Variants in KCNQ1 observed in about 807,000 individuals in gnomAD.
The protein encoded by KCNQ1 is potassium voltage-gated channel subfamily KQT member 1.
In KCNQ1, 49 loss-of-function variants were observed where a neutral mutation model predicts 72.4. The observed-to-expected ratio is 0.68, with a 90% CI of 0.54 to 0.86. The LOEUF is 0.86. KCNQ1 is among the 40% of genes least tolerant of loss of function. The pLI, the probability that KCNQ1 is intolerant of heterozygous loss-of-function variation, is 0.00. For missense variants in KCNQ1, 790 were observed against 945.1 expected, an observed-to-expected ratio of 0.84 and a Z score of 2.15; for synonymous variants, 450 against 412.6, an observed-to-expected ratio of 1.09 and a Z score of -1.10.
In KCNQ1 at chr11:2,736,970, C is replaced by T. The variant is rs185806522; in HGVS notation, c.1515-31874C>T. ...GAGGAAGCCCAGTCCCGACCCCCAC[C>T]GCCTGCCTTCCCAAGACATCCTGAG... is the stretch of plus-strand genomic sequence containing the variant. On this transcript the variant is annotated intron_variant, in intron 11 of 15. Transcript: ENST00000155840. Among the ~76,000 whole-genome samples, 41 of 152,302 alleles carry T rather than the reference C, an allele frequency of 2.7e-4. 1 individual carries two copies. The highest frequency in any genetic ancestry group is 4.7e-4 in the Non-Finnish European group (32 of 68,020).
In KCNQ1 at chr11:2,769,002, C is replaced by A; in HGVS notation, c.1590+83C>A. On this transcript the variant is annotated intron_variant, in intron 12 of 15. Transcript: ENST00000155840. This position sits in a 1 kb window ranked among gnomAD's most constrained non-coding sequence, Gnocchi z 4.6. The stretch of plus-strand genomic sequence containing the variant: ...TGCCCACACCTCTCCTGGGTTCTCT[C>A]CTGCCCATAGTGGAGGGTGTCAAGG... The A allele has an allele frequency of 8.4e-7, 1 of 1,192,568 alleles. No homozygotes were observed. Among genetic ancestry groups the A allele is most frequent in the Non-Finnish European group, 1.2e-6 (1 of 803,140 alleles). The allele number at this position is 1,192,568 out of a possible 1,614,324, so 73.9% of individuals were successfully genotyped here.
chr11:2,689,543 AG>A (rs1850555065), intron 11 of KCNQ1: 2 of 398,694 alleles, frequency 5.0e-6, no homozygotes, highest in Non-Finnish European at 4.4e-6. Flanking sequence ...AAGCTTGCAC[AG>A]GAAGAACAGA....
At chr11:2,832,064 T>C (rs1847962975) in intron 15 of KCNQ1, among the ~76,000 whole-genome samples, 1 of 151,972 alleles carries the variant, frequency 6.6e-6, no homozygotes. Flanking sequence ...GGCCTCAGGC[T>C]TAGGACCTGG....
At chr11:2,801,662 C>G (rs960337334) in intron 15 of KCNQ1, among the ~76,000 whole-genome samples, 1 of 152,216 alleles carries the variant, frequency 6.6e-6, no homozygotes, top group Non-Finnish European at 1.5e-5. Context: ...GGGATTAGGG[C>G]TTCAACATGT....
rs967649705 is a variant in KCNQ1, at chr11:2,538,200, G to A, written c.477+10182G>A. Reference sequence around the variant, plus strand: ...AGGCTCGTCACTGGTCCCAGTGAGTGTGGCTGGTTTTTTCTCATTGCACAT... The same window carrying A: ...AGGCTCGTCACTGGTCCCAGTGAGTATGGCTGGTTTTTTCTCATTGCACAT... On this transcript the variant is annotated intron_variant, in intron 2 of 15. Transcript: ENST00000155840. This position sits in a 1 kb window ranked among gnomAD's most constrained non-coding sequence, Gnocchi z 6.7. 2.0e-5 allele frequency among the ~76,000 whole-genome samples: 3 copies of A among 152,228 alleles called. No homozygotes were observed. Among genetic ancestry groups the A allele is most frequent in the African/African-American group, 7.2e-5 (3 of 41,456 alleles).
chr11:2,554,870 A>T (rs1007928338), intron 2 of KCNQ1, among the ~76,000 whole-genome samples: 3 of 152,184 alleles, frequency 2.0e-5, no homozygotes, highest in Non-Finnish European at 4.4e-5. Flanking sequence ...CCCTTAAAAC[A>T]TTCCTGAAAG....
At position 2,783,281 on chromosome 11, in the gene KCNQ1, C is replaced by G. The variant is rs1846855000; in HGVS notation, c.1794+5244C>G. 6.6e-6 allele frequency among the ~76,000 whole-genome samples: 1 copy of G among 152,082 alleles called. No individual in the cohort carries two copies. The highest frequency in any genetic ancestry group is 1.5e-5 in the Non-Finnish European group (1 of 67,964). On this transcript the variant is annotated intron_variant, in intron 15 of 15. Coordinates refer to ENST00000155840, the MANE Select transcript of KCNQ1 (RefSeq NM_000218.3). This position sits in a 1 kb window ranked among gnomAD's most constrained non-coding sequence, Gnocchi z 5.2. The stretch of plus-strand genomic sequence containing the variant: ...ATTGTTATAATTGTAGCACAGCTTT[C>G]TCATAATGTTGCCCTCTTGTCAGAG...
intron 10 of KCNQ1, chr11:2,643,770 G>C: frequency 2.5e-6 from 1 of 398,558 alleles, no homozygotes. Context: ...ATTTTTTGTA[G>C]TGCCAGTGTA....
intron 10 of KCNQ1, chr11:2,630,011 G>C (rs994288099): frequency 1.3e-4 from 52 of 397,092 alleles, no homozygotes; most frequent in African/African-American, 1.7e-4. Context: ...TTAGAGGAGA[G>C]GCATTCAGCT....
chr11:2,552,332 C>T (rs1847995111), intron 2 of KCNQ1, among the ~76,000 whole-genome samples: 1 of 152,136 alleles, frequency 6.6e-6, no homozygotes, highest in South Asian at 2.1e-4. Flanking sequence ...ATCCAGTTGT[C>T]CCAGAGACTT....
rs1033742678 is a variant in KCNQ1, at chr11:2,508,474, C to T, written c.387-19454C>T. The stretch of plus-strand genomic sequence containing the variant: ...CTCTGCATGGGGAGGAGTGTGGGTC[C>T]TGAGTGGAGTGTCCCATCTGTCATG... On this transcript the variant is annotated intron_variant, in intron 1 of 15. Transcript: ENST00000155840. The surrounding 1 kb of genome is among the most constrained non-coding windows in gnomAD (Gnocchi z 6.2). 6.6e-6 allele frequency among the ~76,000 whole-genome samples: 1 copy of T among 152,004 alleles called. No homozygotes were observed. The highest frequency in any genetic ancestry group is 2.4e-5 in the African/African-American group (1 of 41,390).
intron 6 of KCNQ1, among the ~76,000 whole-genome samples, chr11:2,580,705 G>A (rs937794936): frequency 2.0e-5 from 3 of 152,186 alleles, no homozygotes; most frequent in Non-Finnish European, 4.4e-5. Context: ...TGTCCTGGAC[G>A]CAGCCCTTCA....
In KCNQ1 at chr11:2,674,236, C is replaced by G. The variant is rs1850245462; in HGVS notation, c.1514+12155C>G. ...TTCTTGGGGCCCAGATAGATGTGAG[C>G]AGAGCTGGAGGCCCCTCTCTCCCAG... is the stretch of plus-strand genomic sequence containing the variant. On this transcript the variant is annotated intron_variant, in intron 11 of 15. Coordinates refer to ENST00000155840, the MANE Select transcript of KCNQ1 (RefSeq NM_000218.3). This position sits in a 1 kb window ranked among gnomAD's most constrained non-coding sequence, Gnocchi z 5.9. The G allele has an allele frequency of 2.5e-6, 1 of 398,586 alleles. No homozygotes were observed. 24.7% of individuals were successfully genotyped at this position (398,586 alleles called of 1,614,324 possible). A position where few individuals can be genotyped will look rare whatever the true frequency, so the allele number is the denominator to read the frequency against.
At position 2,745,280 on chromosome 11, in the gene KCNQ1, A is replaced by T. The variant is rs1392167354; in HGVS notation, c.1515-23564A>T. The stretch of plus-strand genomic sequence containing the variant: ...TGTTGCGTTTTCTCCTCCAAGAACA[A>T]GGAGTCTCTCTGCATTGAGTCAGGC... On this transcript the variant is annotated intron_variant, in intron 11 of 15. Transcript: ENST00000155840. The surrounding 1 kb of genome is among the most constrained non-coding windows in gnomAD (Gnocchi z 6.2). Among the ~76,000 whole-genome samples the T allele has an allele frequency of 6.6e-6, 1 of 152,168 alleles. No individual in the cohort carries two copies. The highest frequency in any genetic ancestry group is 1.5e-5 in the Non-Finnish European group (1 of 68,036).
rs1850067147 is a variant in KCNQ1 at position 2,666,352 on chromosome 11, T to C, written c.1514+4271T>C. The C allele has an allele frequency of 2.5e-6, 1 of 398,526 alleles. No homozygotes were observed. The highest frequency in any genetic ancestry group is 2.1e-5 in the African/African-American group (1 of 48,636). 24.7% of individuals were successfully genotyped at this position (398,526 alleles called of 1,614,324 possible). A position where few individuals can be genotyped will look rare whatever the true frequency, so the allele number is the denominator to read the frequency against. On this transcript the variant is annotated intron_variant, in intron 11 of 15. Transcript: ENST00000155840. ...ACTGTGAGCACCTCCCTGGCAAGCA[T>C]GTGCTTGCCTGGCCTCTTGTGACAT... is the stretch of plus-strand genomic sequence containing the variant.
At position 2,652,198 on chromosome 11, in the gene KCNQ1, A is replaced by G. The variant is rs933371729; in HGVS notation, c.1394-9763A>G. ...GCCCCAGCAGATGTCTGGATTTGGT[A>G]GCCAGGGCCTGGAGCCGGATGCTGA... On this transcript the variant is annotated intron_variant, in intron 10 of 15. Coordinates refer to ENST00000155840, the MANE Select transcript of KCNQ1 (RefSeq NM_000218.3). The surrounding 1 kb of genome is among the most constrained non-coding windows in gnomAD (Gnocchi z 5.9). 5.0e-6 allele frequency: 2 copies of G among 398,494 alleles called. No homozygotes were observed. Among genetic ancestry groups the G allele is most frequent in the African/African-American group, 4.1e-5 (2 of 48,620 alleles). The allele number at this position is 398,494 out of a possible 1,614,324, so 24.7% of individuals were successfully genotyped here.
intron 10 of KCNQ1, chr11:2,641,422 A>C (rs1199848379): frequency 1.0e-5 from 4 of 397,590 alleles, no homozygotes; most frequent in South Asian, 1.3e-4. Flanking sequence ...CCTGTTGGCT[A>C]CTTGTATGTT....
chr11:2,660,090 T>C (rs1205599323), intron 10 of KCNQ1: 19 of 393,292 alleles, frequency 4.8e-5, no homozygotes, highest in Non-Finnish European at 7.2e-5. Flanking sequence ...GTTAAACTTT[T>C]GGTTTCGTAT....
intron 1 of KCNQ1, among the ~76,000 whole-genome samples, chr11:2,519,773 GCCC>G (rs35000098): frequency 1.1e-5 from 1 of 92,350 alleles, no homozygotes; most frequent in African/African-American, 4.3e-5. Flanking sequence ...GCAGGTGTTG[GCCC>G]CCCCCCACAA....
Sources: allele counts gnomAD v4.1 joint callset (sites outside exome capture counted in the v4.1 genomes callset), GRCh38; gene constraint gnomAD v4.1.1; non-coding constraint Gnocchi (gnomAD v3.1); transcripts MANE v1.5; gene names NCBI Gene and HGNC (gene_info 2026-07-23, HGNC 2026-07-21).